CERS3: variants seen among roughly 807,000 people sequenced by gnomAD.
CERS3 encodes LAG1 homolog, ceramide synthase 3.
Under a neutral mutation model 50.3 loss-of-function variants are expected in CERS3, and 33 were observed. The ratio of observed to expected loss-of-function variants is 0.66; its 90% CI spans 0.50 to 0.88. The LOEUF is 0.88. Among genes scored for constraint, CERS3 ranks in the 40% least tolerant of loss-of-function variants. The probability of loss-of-function intolerance (pLI) is 0.00; values close to 1 mark genes in which losing one functional copy is unlikely to be tolerated. For synonymous variants in CERS3, 176 were observed against 155.2 expected (o/e 1.13, Z -0.99); for missense variants, 470 against 460.3 (o/e 1.02, Z -0.19).
At chr15:100,524,909 C>G (rs909157029) in intron 1 of CERS3, among the ~76,000 whole-genome samples, 8 of 152,192 alleles carry the variant, frequency 5.3e-5, no homozygotes, top group African/African-American at 1.4e-4. Flanking sequence ...TAGACCTTAT[C>G]CCAGCAGAGA....
intron 10 of CERS3, among the ~76,000 whole-genome samples, chr15:100,467,421 A>T (rs1408448043): frequency 6.6e-6 from 1 of 152,178 alleles, no homozygotes; most frequent in African/African-American, 2.4e-5. Flanking sequence ...TGAGCTAAGT[A>T]AGTATGGCTT....
intron 11 of CERS3, among the ~76,000 whole-genome samples, chr15:100,449,702 C>T (rs1047964377): frequency 1.3e-5 from 2 of 152,194 alleles, no homozygotes; most frequent in Non-Finnish European, 1.5e-5. Flanking sequence ...AACCAAAGTT[C>T]CCTACCAACA....
intron 3 of CERS3, among the ~76,000 whole-genome samples, chr15:100,499,606 A>T (rs1425113997): frequency 1.3e-5 from 2 of 152,246 alleles, no homozygotes; most frequent in Non-Finnish European, 2.9e-5. Context: ...TGGTCACTTC[A>T]TAGAATGAGA....
chr15:100,461,513 G>A (rs1227259082), intron 10 of CERS3, among the ~76,000 whole-genome samples: 1 of 152,158 alleles, frequency 6.6e-6, no homozygotes, highest in Non-Finnish European at 1.5e-5. Flanking sequence ...CACCACCCAG[G>A]TGGTTATGAG....
chr15:100,463,041 A>G (rs1007886749), intron 10 of CERS3, among the ~76,000 whole-genome samples: 1 of 152,232 alleles, frequency 6.6e-6, no homozygotes, highest in African/African-American at 2.4e-5. Context: ...TCAGAAACAA[A>G]TATGTATATT....
intron 1 of CERS3, among the ~76,000 whole-genome samples, chr15:100,535,417 G>A (rs1040447409): frequency 1.3e-5 from 2 of 152,216 alleles, no homozygotes; most frequent in Admixed American, 6.5e-5. Context: ...AGCTAAGGAT[G>A]TCAAGAATAA....
intron 1 of CERS3, chr15:100,544,247 C>G (rs888694892): frequency 6.6e-6 from 1 of 152,238 alleles, no homozygotes; most frequent in African/African-American, 2.4e-5. Context: ...CGCCCTGGAG[C>G]GCTCCTAACG....
intron 4 of CERS3, among the ~76,000 whole-genome samples, chr15:100,489,068 C>T (rs148645835): frequency 0.011 from 1,701 of 152,340 alleles, 54 homozygotes; most frequent in Admixed American, 0.062. Context: ...AGCCACTGCG[C>T]CCAGCCACTT....
chr15:100,453,260 T>A (rs2142189398), intron 11 of CERS3, among the ~76,000 whole-genome samples: 1 of 152,238 alleles, frequency 6.6e-6, no homozygotes, highest in South Asian at 2.1e-4. Flanking sequence ...AACAAAATGC[T>A]AGCAAGCCAA....
intron 11 of CERS3, among the ~76,000 whole-genome samples, chr15:100,445,585 T>A (rs1266990130): frequency 1.1e-4 from 17 of 152,254 alleles, no homozygotes; most frequent in Admixed American, 8.5e-4. Context: ...GACAAATGTT[T>A]CTTCTAACAA....
chr15:100,540,748 C>T (rs75825460), intron 1 of CERS3, among the ~76,000 whole-genome samples: 2,068 of 152,262 alleles, frequency 0.014, 25 homozygotes, highest in East Asian at 0.028. Context: ...GTAAGCTCTT[C>T]ATCCTATGAG....
rs1210985188 is a variant in CERS3 at position 100,401,032 on chromosome 15, GC to G, written c.*1680del. 6.6e-5 allele frequency: 10 copies of G among 152,084 alleles called. No homozygotes were observed. Among genetic ancestry groups the G allele is most frequent in the African/African-American group, 2.4e-4 (10 of 41,392 alleles). 9.4% of individuals were successfully genotyped at this position (152,084 alleles called of 1,614,324 possible). A position where few individuals can be genotyped will look rare whatever the true frequency, so the allele number is the denominator to read the frequency against. ...AGGATTTTTTGTTTATTTTTGTTTA[GC>G]CTTAAGGTTTCAAATGTATATTTTT... is the stretch of plus-strand genomic sequence containing the variant. On this transcript the variant is annotated 3_prime_UTR_variant, in exon 12 of 12. Transcript: ENST00000679737.
rs1169968013 is a variant in CERS3 at position 100,509,026 on chromosome 15, A to T, written c.-1-7176T>A. On this transcript the variant is annotated intron_variant, in intron 2 of 11. Transcript: ENST00000679737. The stretch of plus-strand genomic sequence containing the variant: ...GGGAAGCAATAGTAACGGATGAGGC[A>T]TCTCAGCCCCAGCTGTGTTTTTTGC... 2.6e-5 allele frequency among the ~76,000 whole-genome samples: 4 copies of T among 152,354 alleles called. No individual in the cohort carries two copies. The East Asian group carries it at 7.7e-4, about 29-fold the overall frequency.
chr15:100,475,845 T>C (rs1365848254), intron 8 of CERS3: 4 of 222,248 alleles, frequency 1.8e-5, no homozygotes, highest in Non-Finnish European at 3.5e-5. Flanking sequence ...AATGTTTTTT[T>C]TCTTATTGAA....
rs552613351 is a variant in CERS3 at position 100,426,974 on chromosome 15, C to T, written c.1000-24109G>A. 1.4e-3 allele frequency among the ~76,000 whole-genome samples: 213 copies of T among 152,350 alleles called. 1 individual carries two copies. Among genetic ancestry groups the T allele is most frequent in the Admixed American group, 3.7e-3 (57 of 15,308 alleles). On this transcript the variant is annotated intron_variant, in intron 11 of 11. Coordinates refer to ENST00000679737, the MANE Select transcript of CERS3 (RefSeq NM_001378789.1). ...TGATACGGGTCCCTGCACTCTTCAG[C>T]TCTCCAAATGCTGTCTTCAGCAATG...
chr15:100,432,164 C>T (rs894530201), intron 11 of CERS3, among the ~76,000 whole-genome samples: 1 of 151,856 alleles, frequency 6.6e-6, no homozygotes, highest in African/African-American at 2.4e-5. Context: ...ACTTCCTGAG[C>T]TCAAGCAAAC....
intron 3 of CERS3, among the ~76,000 whole-genome samples, chr15:100,494,481 T>A (rs144498331): frequency 0.041 from 6,262 of 151,940 alleles, 178 homozygotes; most frequent in Non-Finnish European, 0.055. Context: ...TCTCCTGACC[T>A]CATGATCCAC....
At chr15:100,431,789 G>A (rs2033148963) in intron 11 of CERS3, among the ~76,000 whole-genome samples, 1 of 152,114 alleles carries the variant, frequency 6.6e-6, no homozygotes, top group African/African-American at 2.4e-5. Context: ...GTCTGTGTTG[G>A]GACCTGGCTG....
chr15:100,504,929 G>A (rs2036133035), intron 2 of CERS3, among the ~76,000 whole-genome samples: 2 of 152,216 alleles, frequency 1.3e-5, no homozygotes, highest in African/African-American at 4.8e-5. Flanking sequence ...CAGAACAAGA[G>A]CATACACAAG....
Sources: gnomAD v4.1 joint callset for allele counts (sites outside exome capture counted in the v4.1 genomes callset) on GRCh38, gnomAD v4.1.1 for gene constraint, MANE v1.5 for transcripts, NCBI Gene and HGNC (gene_info 2026-07-23, HGNC 2026-07-21) for gene names.